LRP1: variants seen among roughly 807,000 people sequenced by gnomAD.
LRP1 encodes the protein prolow-density lipoprotein receptor-related protein 1.
Under a neutral mutation model 541.5 loss-of-function variants are expected in LRP1, and 51 were observed. That is an observed-to-expected ratio of 0.09 (90% CI 0.08 to 0.12). The LOEUF (loss-of-function observed/expected upper bound fraction) is 0.12, where lower values mean the gene tolerates loss of function less well. LRP1 is among the 10% of genes least tolerant of loss of function. The probability of loss-of-function intolerance (pLI) is 1.00; values close to 1 mark genes in which losing one functional copy is unlikely to be tolerated. For missense variants in LRP1, 3,878 were observed against 6,376.2 expected (o/e 0.61, Z 13.34); for synonymous variants, 2,219 against 2,470.8 (o/e 0.90, Z 3.02).
Position 57,179,876 on chromosome 12 carries a change from C to T in LRP1, c.5061C>T (p.Ala1687=). 6.2e-7 allele frequency: 1 copy of T among 1,614,158 alleles called. No individual in the cohort carries two copies. The highest frequency in any genetic ancestry group is 1.1e-5 in the South Asian group (1 of 91,074). The stretch of plus-strand genomic sequence containing the variant: ...CCAATAAGAAGCAGATCAATGTGGC[C>T]CGGCTGGATGGCTCCTTCAAGAACG... The part of the protein sequence containing the change: ...YDTNKKQINV[A]RLDGSFKNAV... Residue 1687 remains alanine (A), a synonymous_variant, in exon 30 of 89, where the codon GCC becomes GCT. Coordinates refer to ENST00000243077, the MANE Select transcript of LRP1 (RefSeq NM_002332.3). The surrounding 1 kb of genome is among the most constrained non-coding windows in gnomAD (Gnocchi z 6.8).
rs974272961 is a variant in LRP1 at position 57,162,008 on chromosome 12, T to TGTGTGTGTGCACGTATGTGTGC, written c.2203-299_2203-278dup. 2.0e-5 allele frequency among the ~76,000 whole-genome samples: 3 copies of TGTGTGTGTGCACGTATGTGTGC among 152,198 alleles called. No homozygotes were observed. The highest frequency in any genetic ancestry group is 3.4e-3 in the Middle Eastern group (1 of 294). On this transcript the variant is annotated intron_variant, in intron 13 of 88. Coordinates refer to ENST00000243077, the MANE Select transcript of LRP1 (RefSeq NM_002332.3). This position sits in a 1 kb window ranked among gnomAD's most constrained non-coding sequence, Gnocchi z 5.2. ...GCGCGCACGCATATGAGTGTGTGTG[T>TGTGTGTGTGCACGTATGTGTGC]GTGTGTGTGCACGTATGTGTGCGTG...
intron 24 of LRP1, among the ~76,000 whole-genome samples, chr12:57,176,524 A>G (rs551440966): frequency 6.6e-6 from 1 of 152,270 alleles, no homozygotes; most frequent in South Asian, 2.1e-4. Flanking sequence ...AGTGATCAAA[A>G]CAGGCTGTTT....
intron 20 of LRP1, among the ~76,000 whole-genome samples, chr12:57,170,069 C>G (rs1206683086): frequency 6.6e-6 from 1 of 152,250 alleles, no homozygotes; most frequent in Admixed American, 6.5e-5. Flanking sequence ...AGGCCTCTCC[C>G]CAGCCTCCGC....
In LRP1 at chr12:57,162,263, C is replaced by T; in HGVS notation, c.2203-54C>T. The T allele has an allele frequency of 7.0e-7, 1 of 1,435,578 alleles. No homozygotes were observed. Among genetic ancestry groups the T allele is most frequent in the Non-Finnish European group, 9.8e-7 (1 of 1,018,982 alleles). 88.9% of individuals were successfully genotyped at this position (1,435,578 alleles called of 1,614,324 possible). On this transcript the variant is annotated intron_variant, in intron 13 of 88. Transcript: ENST00000243077. This position sits in a 1 kb window ranked among gnomAD's most constrained non-coding sequence, Gnocchi z 5.2. ...ATGAATGTACAAAACAGTGATCTCACAGGCCTCCCTCAATTTTCTTCCAAC... is the reference window on the plus strand; with the variant it reads ...ATGAATGTACAAAACAGTGATCTCATAGGCCTCCCTCAATTTTCTTCCAAC...
Position 57,161,339 on chromosome 12 carries a change from G to T in LRP1, c.2202+224G>T, listed in dbSNP as rs552503809. ...TTGTTTGAGGATTGCCTCCATTTGC[G>T]TCTCTTTGTGTCTATTCGTGTTGTC... On this transcript the variant is annotated intron_variant, in intron 13 of 88. Transcript: ENST00000243077. Among the ~76,000 whole-genome samples the T allele has an allele frequency of 2.0e-5, 3 of 152,094 alleles. No individual in the cohort carries two copies. In the East Asian group the frequency reaches 5.8e-4, roughly 29 times the overall value.
At position 57,156,737 on chromosome 12, in the gene LRP1, G is replaced by A. The variant is rs2035627534; in HGVS notation, c.1418-40G>A. 1 of 1,566,302 alleles carries A rather than the reference G, an allele frequency of 6.4e-7. No homozygotes were observed. The highest frequency in any genetic ancestry group is 8.7e-7 in the Non-Finnish European group (1 of 1,147,920). ...AAGCCTTCTCAAGGCCTGGCACAGGGGCTCTGAGGGGTCCTAACAGCTCTT... is the reference window on the plus strand; with the variant it reads ...AAGCCTTCTCAAGGCCTGGCACAGGAGCTCTGAGGGGTCCTAACAGCTCTT... On this transcript the variant is annotated intron_variant, in intron 9 of 88. Coordinates refer to ENST00000243077, the MANE Select transcript of LRP1 (RefSeq NM_002332.3). The surrounding 1 kb of genome is among the most constrained non-coding windows in gnomAD (Gnocchi z 5.2).
At position 57,199,187 on chromosome 12, in the gene LRP1, C is replaced by T. The variant is rs749266373; in HGVS notation, c.9677-25C>T. The T allele has an allele frequency of 6.2e-6, 10 of 1,606,604 alleles. 1 individual carries two copies. The South Asian group carries it at 1.1e-4, about 18-fold the overall frequency. ...CTGTCCGAGCTCCGGCTGACTGGCA[C>T]TGTGCCTGCCCCTTGGCCCTGCAGT... On this transcript the variant is annotated intron_variant, in intron 60 of 88. Transcript: ENST00000243077.
At chr12:57,180,172 C>G (rs371223444) in intron 31 of LRP1, 31 bp downstream of exon 31, 2 of 1,604,318 alleles carry the variant, frequency 1.2e-6, no homozygotes, top group African/African-American at 2.7e-5. Flanking sequence ...CCCCACAGCC[C>G]CTCCCTAATT....
Position 57,210,288 on chromosome 12 carries a change from T to TGAC in LRP1, c.12581-17_12581-15dup. 1.3e-6 allele frequency: 2 copies of TGAC among 1,549,604 alleles called. No homozygotes were observed. The highest frequency in any genetic ancestry group is 1.7e-6 in the Non-Finnish European group (2 of 1,144,244). The stretch of plus-strand genomic sequence containing the variant: ...CTCCTATTCCCCTGGCTCTGCCCCT[T>TGAC]GACGGGCCCTTCCTGCAGCTCCCCG... On this transcript the variant is annotated intron_variant, in intron 81 of 88. Transcript: ENST00000243077.
At chr12:57,187,481 G>A (rs2036293084) in intron 42 of LRP1, 25 bp downstream of exon 42, 4 of 1,600,496 alleles carry the variant, frequency 2.5e-6, no homozygotes, top group Non-Finnish European at 3.4e-6. Flanking sequence ...GGGGATGGGG[G>A]TAGCAGGGAG....
At chr12:57,164,058 C>A (rs35371057) in intron 15 of LRP1, among the ~76,000 whole-genome samples, 7 of 152,272 alleles carry the variant, frequency 4.6e-5, no homozygotes, top group Admixed American at 1.3e-4. Flanking sequence ...GTAGTCCCAG[C>A]TATTTGGGAG....
intron 63 of LRP1, 77 bp from the exon 64 acceptor site, chr12:57,200,621 TG>T (rs2036629218): frequency 1.3e-6 from 2 of 1,541,726 alleles, no homozygotes; most frequent in Non-Finnish European, 1.8e-6. Flanking sequence ...CTGGAGAGGC[TG>T]GGGCTGTGGT....
At position 57,203,297 on chromosome 12, in the gene LRP1, G is replaced by T. The variant is rs780217222; in HGVS notation, c.10818+10G>T. 28 of 1,599,660 alleles carry T rather than the reference G, an allele frequency of 1.8e-5. No individual in the cohort carries two copies. The highest frequency in any genetic ancestry group is 2.4e-5 in the Non-Finnish European group (28 of 1,169,558). On this transcript the variant is annotated intron_variant, in intron 69 of 88. Coordinates refer to ENST00000243077, the MANE Select transcript of LRP1 (RefSeq NM_002332.3). ...GGACGGCTCGGACGAGGTGGGCAGG[G>T]AGATGAGAAGGAAGCAGATGGCCTC... is the stretch of plus-strand genomic sequence containing the variant.
chr12:57,161,589 C>A (rs2035734770), intron 13 of LRP1, among the ~76,000 whole-genome samples: 1 of 152,060 alleles, frequency 6.6e-6, no homozygotes. Flanking sequence ...GGCCCCTGAC[C>A]CCCTCTCTGG....
rs1202605526 is a variant in LRP1 at position 57,167,061 on chromosome 12, C to T, written c.2914+15C>T. The T allele has an allele frequency of 6.2e-7, 1 of 1,602,480 alleles. No individual in the cohort carries two copies. The highest frequency in any genetic ancestry group is 2.2e-5 in the East Asian group (1 of 44,786). ...TGCTTCGTGTGGTAAGAGGGATGGGCAGAGGGAGTCAGGCTGGGCCTGGGG... is the reference window on the plus strand; with the variant it reads ...TGCTTCGTGTGGTAAGAGGGATGGGTAGAGGGAGTCAGGCTGGGCCTGGGG... On this transcript the variant is annotated intron_variant, in intron 18 of 88. Transcript: ENST00000243077.
chr12:57,179,585 TG>T lies in LRP1; in HGVS notation c.4966+31del. The T allele has an allele frequency of 1.9e-6, 3 of 1,589,878 alleles. No individual in the cohort carries two copies. The South Asian group carries it at 3.3e-5, about 18-fold the overall frequency. On this transcript the variant is annotated intron_variant, in intron 29 of 88. Coordinates refer to ENST00000243077, the MANE Select transcript of LRP1 (RefSeq NM_002332.3). The surrounding 1 kb of genome is among the most constrained non-coding windows in gnomAD (Gnocchi z 6.8). ...CTTCCTGGCCCTGGATGCCCACCAG[TG>T]GACATGGGCACCTCCACCCGCCCCT... is the stretch of plus-strand genomic sequence containing the variant.
At chr12:57,137,325 T>C (rs1367936993) in intron 1 of LRP1, among the ~76,000 whole-genome samples, 1 of 138,846 alleles carries the variant, frequency 7.2e-6, no homozygotes, top group Non-Finnish European at 1.6e-5. Context: ...GGGGTAGGAG[T>C]GGAAGAAGCC....
chr12:57,187,160 T>G (rs575372490), intron 41 of LRP1, 107 bp from the exon 42 acceptor site: 1 of 1,172,154 alleles, frequency 8.5e-7, no homozygotes, highest in East Asian at 2.5e-5. Flanking sequence ...TACCCCACAC[T>G]TCGCCTTCCA....
rs1226957521 is a variant in LRP1 at position 57,209,153 on chromosome 12, C to T, written c.12216C>T (p.Ile4072=). Residue 4072 remains isoleucine (I), a synonymous_variant, in exon 79 of 89, where the codon ATC becomes ATT. Coordinates refer to ENST00000243077, the MANE Select transcript of LRP1 (RefSeq NM_002332.3). The part of the protein sequence containing the change: ...ADAKLSVIGS[I]RLNGTDPIVA... The stretch of plus-strand genomic sequence containing the variant: ...CCAAGCTTTCAGTCATCGGCAGCAT[C>T]CGGCTCAATGGCACGGACCCCATTG... The T allele has an allele frequency of 2.5e-6, 4 of 1,614,020 alleles. No homozygotes were observed. Among genetic ancestry groups the T allele is most frequent in the Non-Finnish European group, 3.4e-6 (4 of 1,180,030 alleles).
Sources: gnomAD v4.1 joint callset for allele counts (sites outside exome capture counted in the v4.1 genomes callset) on GRCh38, gnomAD v4.1.1 for gene constraint, Gnocchi (gnomAD v3.1) non-coding constraint, MANE v1.5 for transcripts, NCBI Gene and HGNC (gene_info 2026-07-23, HGNC 2026-07-21) for gene names.